The following SLC25A21 variants were observed in gnomAD, a reference collection of about 807,000 sequenced individuals.
The protein encoded by SLC25A21 is mitochondrial 2-oxodicarboxylate carrier.
A neutral mutation model predicts 43.8 loss-of-function variants in SLC25A21; 47 were observed. The ratio of observed to expected loss-of-function variants is 1.07; its 90% CI spans 0.85 to 1.37. SLC25A21 has a LOEUF of 1.37. Ranked by LOEUF, SLC25A21 falls within the 40% of genes most tolerant of loss-of-function variation. The pLI is 0.00. For synonymous variants in SLC25A21, 131 were observed against 121.3 expected, an observed-to-expected ratio of 1.08 and a Z score of -0.52; for missense variants, 352 against 350.2, an observed-to-expected ratio of 1.00 and a Z score of -0.04.
At chr14:36,862,950 G>A (rs1890115348) in intron 2 of SLC25A21, among the ~76,000 whole-genome samples, 1 of 152,112 alleles carries the variant, frequency 6.6e-6, no homozygotes, top group African/African-American at 2.4e-5. Context: ...AGGGAAACTT[G>A]TGATGGGCAT....
chr14:36,719,790 T>C (rs1223922978), intron 6 of SLC25A21, among the ~76,000 whole-genome samples: 2 of 152,282 alleles, frequency 1.3e-5, no homozygotes, highest in South Asian at 2.1e-4. Context: ...AAAAACAGTT[T>C]ATGGCTAAAC....
chr14:36,922,964 A>G (rs1339025183), intron 1 of SLC25A21, among the ~76,000 whole-genome samples: 6 of 152,196 alleles, frequency 3.9e-5, no homozygotes, highest in Admixed American at 3.9e-4. Flanking sequence ...GACACTGGAA[A>G]GCACGACGCA....
At chr14:36,955,824 G>A (rs77990855) in intron 1 of SLC25A21, among the ~76,000 whole-genome samples, 5,311 of 152,216 alleles carry the variant, frequency 0.035, 100 homozygotes, top group East Asian at 0.053. Context: ...CTGTGAGGAG[G>A]TGGGACATAG....
At chr14:37,039,530 T>C (rs1228387875) in intron 1 of SLC25A21, among the ~76,000 whole-genome samples, 2 of 152,346 alleles carry the variant, frequency 1.3e-5, no homozygotes, top group Middle Eastern at 3.4e-3. Context: ...TATACTTTTT[T>C]GTCTGACTTC....
At chr14:36,700,649 CTT>C (rs1883240236) in intron 7 of SLC25A21, among the ~76,000 whole-genome samples, 1 of 152,304 alleles carries the variant, frequency 6.6e-6, no homozygotes, top group African/African-American at 2.4e-5. Context: ...CTCTCACACT[CTT>C]TTTGAAGACT....
intron 1 of SLC25A21, among the ~76,000 whole-genome samples, chr14:36,955,657 C>A (rs933238144): frequency 2.0e-5 from 3 of 151,314 alleles, no homozygotes; most frequent in African/African-American, 7.3e-5. Flanking sequence ...GTGGTAAAAG[C>A]CCCTCTCTTG....
chr14:37,102,179 G>A (rs763957567), intron 1 of SLC25A21, among the ~76,000 whole-genome samples: 1 of 152,082 alleles, frequency 6.6e-6, no homozygotes, highest in South Asian at 2.1e-4. Context: ...GGTGGTTCAC[G>A]CCTGTAATCC....
At chr14:37,094,228 T>C (rs1473306849) in intron 1 of SLC25A21, among the ~76,000 whole-genome samples, 3 of 152,142 alleles carry the variant, frequency 2.0e-5, no homozygotes, top group African/African-American at 7.2e-5. Context: ...TTTCTAAAGA[T>C]CTAGATAGTC....
chr14:36,820,766 T>C (rs971081176), intron 2 of SLC25A21, among the ~76,000 whole-genome samples: 2 of 152,214 alleles, frequency 1.3e-5, no homozygotes, highest in African/African-American at 2.4e-5. Flanking sequence ...CTAGAAAAAG[T>C]TGTATACTGA....
At chr14:37,066,028 T>C (rs1431604307) in intron 1 of SLC25A21, among the ~76,000 whole-genome samples, 1 of 152,136 alleles carries the variant, frequency 6.6e-6, no homozygotes, top group East Asian at 1.9e-4. Flanking sequence ...CGTATAATCT[T>C]AAAGTGCGAA....
At chr14:36,865,018 C>A (rs928823037) in intron 2 of SLC25A21, among the ~76,000 whole-genome samples, 6 of 151,424 alleles carry the variant, frequency 4.0e-5, no homozygotes, top group Non-Finnish European at 8.8e-5. Context: ...AGATTCCTTT[C>A]TTTTCTTTCT....
intron 1 of SLC25A21, among the ~76,000 whole-genome samples, chr14:37,132,470 G>A (rs1821833962): frequency 6.6e-6 from 1 of 152,176 alleles, no homozygotes; most frequent in East Asian, 1.9e-4. Flanking sequence ...TACCTTGCTG[G>A]TGATAGACAC....
At chr14:37,137,353 T>G (rs1419779046) in intron 1 of SLC25A21, among the ~76,000 whole-genome samples, 1 of 152,250 alleles carries the variant, frequency 6.6e-6, no homozygotes, top group Non-Finnish European at 1.5e-5. Flanking sequence ...ATTATGTTTA[T>G]GTTTAAATAT....
At chr14:36,805,701 A>C (rs1660547157) in intron 3 of SLC25A21, among the ~76,000 whole-genome samples, 1 of 152,172 alleles carries the variant, frequency 6.6e-6, no homozygotes, top group African/African-American at 2.4e-5. Context: ...CTTACCCTTC[A>C]TCCTTTAATT....
Position 36,887,166 on chromosome 14 carries a change from A to C in SLC25A21, c.71-12162T>G, listed in dbSNP as rs571814047. Reference sequence around the variant, plus strand: ...ATATTCATATATATTACATATAAATATGTATGAATATGTGAGATATGTAAT... The same window carrying C: ...ATATTCATATATATTACATATAAATCTGTATGAATATGTGAGATATGTAAT... On this transcript the variant is annotated intron_variant, in intron 1 of 9. Coordinates refer to ENST00000331299, the MANE Select transcript of SLC25A21 (RefSeq NM_030631.4). Among the ~76,000 whole-genome samples, 3 of 151,802 alleles carry C rather than the reference A, an allele frequency of 2.0e-5. No homozygotes were observed. In the South Asian group the frequency reaches 6.2e-4, roughly 32 times the overall value.
chr14:36,838,548 G>A (rs1305798510), intron 2 of SLC25A21, among the ~76,000 whole-genome samples: 1 of 152,186 alleles, frequency 6.6e-6, no homozygotes, highest in East Asian at 1.9e-4. Flanking sequence ...GCCTACTTGA[G>A]CTAATATGCC....
At chr14:36,847,172 C>T (rs1889572507) in intron 2 of SLC25A21, among the ~76,000 whole-genome samples, 1 of 152,132 alleles carries the variant, frequency 6.6e-6, no homozygotes, top group African/African-American at 2.4e-5. Flanking sequence ...ACATATCTGT[C>T]CCCAAGAGTT....
At chr14:36,959,622 A>T (rs531362752) in intron 1 of SLC25A21, among the ~76,000 whole-genome samples, 27 of 152,266 alleles carry the variant, frequency 1.8e-4, no homozygotes, top group South Asian at 1.2e-3. Context: ...GGAAAAAATG[A>T]AAGGAAGAAA....
intron 3 of SLC25A21, among the ~76,000 whole-genome samples, chr14:36,809,330 C>G (rs866198954): frequency 6.6e-6 from 1 of 152,066 alleles, no homozygotes. Flanking sequence ...TTCTGTGTTA[C>G]AGAAAACAGT....
Sources: allele counts gnomAD v4.1 joint callset (sites outside exome capture counted in the v4.1 genomes callset), GRCh38; gene constraint gnomAD v4.1.1; transcripts MANE v1.5; gene names NCBI Gene and HGNC (gene_info 2026-07-23, HGNC 2026-07-21).